GLB1: variants seen among roughly 807,000 people sequenced by gnomAD.
The protein encoded by GLB1 is galactosidase beta 1.
GLB1 carries 56 observed loss-of-function variants against 74.0 expected under a neutral mutation model. The observed-to-expected ratio is 0.76, with a 90% CI of 0.61 to 0.94. The LOEUF is 0.94. Among genes scored for constraint, GLB1 ranks in the 40% least tolerant of loss-of-function variants. The pLI is 0.00. For missense variants in GLB1, 787 were observed against 845.5 expected (o/e 0.93, Z 0.86); for synonymous variants, 323 against 323.6 (o/e 1.00, Z 0.02).
At chr3:32,976,430 C>T in the GLB1 span, among the ~76,000 whole-genome samples, 1 of 152,208 alleles carries the variant, frequency 6.6e-6, no homozygotes, top group Admixed American at 6.5e-5. Context: ...ACAACCCACA[C>T]TGTGTTGCGT....
At chr3:33,036,679 C>T (rs1416992059) in intron 10 of GLB1, among the ~76,000 whole-genome samples, 6 of 151,620 alleles carry the variant, frequency 4.0e-5, no homozygotes, top group Admixed American at 2.6e-4. Context: ...TATACGCATA[C>T]AATGGAATAT....
At chr3:33,026,390 G>A (rs1206441095) in intron 10 of GLB1, among the ~76,000 whole-genome samples, 1 of 152,200 alleles carries the variant, frequency 6.6e-6, no homozygotes, top group South Asian at 2.1e-4. Context: ...AGCACAGGAG[G>A]GAGGCCGAGG....
At chr3:32,982,999 G>C in the GLB1 span, among the ~76,000 whole-genome samples, 5 of 152,074 alleles carry the variant, frequency 3.3e-5, no homozygotes, top group Non-Finnish European at 7.4e-5. Flanking sequence ...CCTTGAAGTG[G>C]CAGTAGACTA....
intron 15 of GLB1, among the ~76,000 whole-genome samples, chr3:33,006,637 C>T (rs1202571653): frequency 6.6e-6 from 1 of 152,216 alleles, no homozygotes; most frequent in Non-Finnish European, 1.5e-5. Context: ...TGCCTGACCC[C>T]TTTCTACTGA....
At chr3:33,091,383 G>C (rs1044499558) in intron 1 of GLB1, 4 of 985,364 alleles carry the variant, frequency 4.1e-6, no homozygotes, top group Admixed American at 6.1e-5. Context: ...CATGAGGGAA[G>C]GAAGGCAAAC....
At chr3:33,043,771 G>GAAAGATACCTCAGAAAAATACCGAGCA (rs1698604095) in intron 10 of GLB1, among the ~76,000 whole-genome samples, 1 of 82,258 alleles carries the variant, frequency 1.2e-5, no homozygotes, top group Non-Finnish European at 2.9e-5. Context: ...ACAGCATTGG[G>GAAAGATACCTCAGAAAAATACCGAGCA]AAAGATACCT....
chr3:33,064,775 T>A (rs549458956), intron 5 of GLB1, among the ~76,000 whole-genome samples: 124 of 2,100 alleles, frequency 0.059, no homozygotes, highest in South Asian at 0.3. Flanking sequence ...AGACTCTCTC[T>A]CAAAAAAAAA....
chr3:32,990,893 G>A, the GLB1 span, among the ~76,000 whole-genome samples: 1 of 152,134 alleles, frequency 6.6e-6, no homozygotes, highest in Non-Finnish European at 1.5e-5. Flanking sequence ...AGAATGGCGT[G>A]AACCCGGGAG....
rs1030170850 is a variant in GLB1 at position 33,041,863 on chromosome 3, G to A, written c.1068+4257C>T. On this transcript the variant is annotated intron_variant, in intron 10 of 15. Transcript: ENST00000307363. ...AGGTACCAGACCTTTGTCTCAAGCTGTGCATTCATATATCCACTGCCTACT... is the reference window on the plus strand; with the variant it reads ...AGGTACCAGACCTTTGTCTCAAGCTATGCATTCATATATCCACTGCCTACT... 1.2e-4 allele frequency among the ~76,000 whole-genome samples: 18 copies of A among 151,980 alleles called. 1 individual carries two copies. Among genetic ancestry groups the A allele is most frequent in the African/African-American group, 4.4e-4 (18 of 41,356 alleles).
At chr3:32,993,520 T>TA (rs1559373209), downstream of GLB1, among the ~76,000 whole-genome samples, 1 of 124,372 alleles carries the variant, frequency 8.0e-6, no homozygotes, top group African/African-American at 2.9e-5. Context: ...CACATCCAGC[T>TA]AATTTTTTTT....
chr3:33,030,597 A>G, intron 10 of GLB1: 9 of 985,452 alleles, frequency 9.1e-6, no homozygotes, highest in Non-Finnish European at 1.1e-5. Context: ...AGTGTAGACA[A>G]ATCCTGGATC....
intron 15 of GLB1, among the ~76,000 whole-genome samples, chr3:33,004,826 G>C (rs1226090236): frequency 6.6e-6 from 1 of 152,170 alleles, no homozygotes; most frequent in Non-Finnish European, 1.5e-5. Flanking sequence ...AGAGAGTTCT[G>C]TTTTATACCT....
At chr3:33,011,795 T>C (rs1195954458) in intron 15 of GLB1, among the ~76,000 whole-genome samples, 1 of 152,192 alleles carries the variant, frequency 6.6e-6, no homozygotes, top group Admixed American at 6.5e-5. Flanking sequence ...ATTAACATAA[T>C]TTTCTCCTCT....
At chr3:32,975,488 G>A in the GLB1 span, among the ~76,000 whole-genome samples, 1 of 152,148 alleles carries the variant, frequency 6.6e-6, no homozygotes, top group African/African-American at 2.4e-5. Context: ...AGTTAGGGGA[G>A]TTGTGCACAA....
intron 2 of GLB1, among the ~76,000 whole-genome samples, chr3:33,069,315 G>T (rs1699809838): frequency 6.6e-6 from 1 of 152,288 alleles, no homozygotes; most frequent in Middle Eastern, 3.4e-3. Flanking sequence ...AGCTAGGGAG[G>T]TTGAAGCTGC....
At chr3:32,994,236 T>C (rs1245992380), downstream of GLB1, among the ~76,000 whole-genome samples, 1 of 152,178 alleles carries the variant, frequency 6.6e-6, no homozygotes, top group East Asian at 1.9e-4. Context: ...GGAATGCGAC[T>C]CAGCAACACA....
At chr3:33,072,468 C>A in intron 2 of GLB1, 76 bp downstream of exon 2, 1 of 1,599,982 alleles carries the variant, frequency 6.3e-7, no homozygotes, top group Non-Finnish European at 8.5e-7. Context: ...AATAGCCACC[C>A]TGAGAAATAC....
At chr3:33,033,818 C>G in intron 10 of GLB1, 1 of 308,768 alleles carries the variant, frequency 3.2e-6, no homozygotes, top group Non-Finnish European at 6.2e-6. Flanking sequence ...AATGGGGAGG[C>G]ACCACCAGGA....
Position 33,038,011 on chromosome 3 carries a change from C to T in GLB1, c.1068+8109G>A, listed in dbSNP as rs548310253. On this transcript the variant is annotated intron_variant, in intron 10 of 15. Coordinates refer to ENST00000307363, the MANE Select transcript of GLB1 (RefSeq NM_000404.4). ...ACTCTACCTCTCACACAATACTGGG[C>T]GACTCTTCAAAAAAAAAAAAAAAAA... The T allele has an allele frequency of 1.1e-3, 96 of 84,098 alleles. 1 individual carries two copies. Among genetic ancestry groups the T allele is most frequent in the Non-Finnish European group, 1.9e-3 (88 of 46,882 alleles). 5.2% of individuals were successfully genotyped at this position (84,098 alleles called of 1,614,324 possible). A position where few individuals can be genotyped will look rare whatever the true frequency, so the allele number is the denominator to read the frequency against.
Sources: allele counts gnomAD v4.1 joint callset (sites outside exome capture counted in the v4.1 genomes callset), GRCh38; gene constraint gnomAD v4.1.1; transcripts MANE v1.5; gene names NCBI Gene and HGNC (gene_info 2026-07-23, HGNC 2026-07-21).